The following MBD5 variants were observed in gnomAD, a reference collection of about 807,000 sequenced individuals.
MBD5 encodes methyl-CpG-binding domain protein 5.
A neutral mutation model predicts 117.3 loss-of-function variants in MBD5; 13 were observed. The ratio of observed to expected loss-of-function variants is 0.11; its 90% CI spans 0.07 to 0.18. The LOEUF (loss-of-function observed/expected upper bound fraction) is 0.18, where lower values mean the gene tolerates loss of function less well. Among genes scored for constraint, MBD5 ranks in the 10% least tolerant of loss-of-function variants. The pLI is 1.00. For missense variants in MBD5, 1,879 were observed against 2,093.8 expected (o/e 0.90, Z 2.00); for synonymous variants, 727 against 766.4 (o/e 0.95, Z 0.85).
chr2:148,415,223 C>G (rs1705381779), intron 4 of MBD5, among the ~76,000 whole-genome samples: 1 of 152,104 alleles, frequency 6.6e-6, no homozygotes. Context: ...CTGTATTTAT[C>G]AAGCTTAGTT....
chr2:148,166,669 G>T (rs553865936), intron 1 of MBD5, among the ~76,000 whole-genome samples: 1 of 152,060 alleles, frequency 6.6e-6, no homozygotes, highest in Non-Finnish European at 1.5e-5. Flanking sequence ...TCACATGAGG[G>T]TACTTCTCCA....
chr2:148,042,405 AT>A (rs1388562963), intron 1 of MBD5, among the ~76,000 whole-genome samples: 2 of 152,144 alleles, frequency 1.3e-5, no homozygotes, highest in East Asian at 1.9e-4. Context: ...ACAGAAAAAA[AT>A]TTCTCACAGC....
intron 3 of MBD5, among the ~76,000 whole-genome samples, chr2:148,272,020 G>A (rs1558999796): frequency 1.3e-5 from 2 of 152,082 alleles, no homozygotes; most frequent in South Asian, 4.1e-4. Flanking sequence ...GATTCCACAT[G>A]TAAATAAGAT....
intron 4 of MBD5, among the ~76,000 whole-genome samples, chr2:148,429,808 G>C (rs940849810): frequency 9.9e-5 from 15 of 152,094 alleles, no homozygotes; most frequent in Non-Finnish European, 1.5e-5. Flanking sequence ...AAAACACATG[G>C]TCAGAGGGAA....
intron 3 of MBD5, among the ~76,000 whole-genome samples, chr2:148,259,222 G>A (rs1700673573): frequency 6.6e-6 from 1 of 152,124 alleles, no homozygotes; most frequent in African/African-American, 2.4e-5. Flanking sequence ...TTGCCCTTGT[G>A]CCAACTGCCC....
chr2:148,462,360 T>G (rs1030392091), intron 5 of MBD5, among the ~76,000 whole-genome samples: 2 of 152,202 alleles, frequency 1.3e-5, no homozygotes, highest in African/African-American at 4.8e-5. Flanking sequence ...TTTAATTTTC[T>G]ATGAAGATCT....
At chr2:148,410,703 A>G (rs963230008) in intron 4 of MBD5, among the ~76,000 whole-genome samples, 1 of 152,138 alleles carries the variant, frequency 6.6e-6, no homozygotes, top group African/African-American at 2.4e-5. Flanking sequence ...CAGTGCTGGT[A>G]TTACAGGCAG....
intron 5 of MBD5, among the ~76,000 whole-genome samples, chr2:148,461,116 A>G (rs1707061269): frequency 1.3e-5 from 2 of 152,120 alleles, no homozygotes; most frequent in Admixed American, 6.6e-5. Context: ...TATTTTTAGT[A>G]GAGACGGGGT....
At chr2:148,179,634 G>A (rs1270122988) in intron 2 of MBD5, among the ~76,000 whole-genome samples, 1 of 151,932 alleles carries the variant, frequency 6.6e-6, no homozygotes, top group Non-Finnish European at 1.5e-5. Context: ...ATTCTTTCAC[G>A]TAGCACGTTC....
chr2:148,197,163 G>T (rs926525360), intron 2 of MBD5, among the ~76,000 whole-genome samples: 1 of 152,064 alleles, frequency 6.6e-6, no homozygotes, highest in South Asian at 2.1e-4. Context: ...AGGCAATCCC[G>T]TTCTGCTAGG....
chr2:148,483,088 G>GT lies in MBD5; in HGVS notation c.2519-9dup, dbSNP rs5835195. ...TTCATGATTAATAACTGGGTTTTGT[G>GT]TTTTTTTTTTTTTCATTTTAGGCGG... On this transcript the variant is annotated intron_variant, in intron 8 of 13. Coordinates refer to ENST00000642680, the MANE Select transcript of MBD5 (RefSeq NM_001378120.1). 5.5e-3 allele frequency: 7,301 copies of GT among 1,332,774 alleles called. 69 individuals are homozygous for GT. The African/African-American group carries it at 0.065, about 12-fold the overall frequency. 82.6% of individuals were successfully genotyped at this position (1,332,774 alleles called of 1,614,324 possible).
intron 3 of MBD5, among the ~76,000 whole-genome samples, chr2:148,278,643 G>A (rs1701169862): frequency 1.3e-5 from 2 of 151,906 alleles, no homozygotes; most frequent in East Asian, 1.9e-4. Flanking sequence ...TTTTAGTCAG[G>A]GTTCTCCGGA....
At chr2:148,068,208 A>G (rs1479040855) in intron 1 of MBD5, among the ~76,000 whole-genome samples, 4 of 150,252 alleles carry the variant, frequency 2.7e-5, no homozygotes, top group East Asian at 3.9e-4. Context: ...AGAGGCCAGG[A>G]AAAAAAAGCT....
intron 2 of MBD5, among the ~76,000 whole-genome samples, chr2:148,221,370 T>C (rs1699681995): frequency 6.6e-6 from 1 of 152,140 alleles, no homozygotes. Context: ...CTTTTAGTAA[T>C]TTACATTCCT....
intron 1 of MBD5, among the ~76,000 whole-genome samples, chr2:148,171,416 A>G (rs1698259673): frequency 6.6e-6 from 1 of 152,230 alleles, no homozygotes; most frequent in South Asian, 2.1e-4. Flanking sequence ...AATACTTGAC[A>G]AAATTCAACA....
At chr2:148,200,819 T>A (rs551421639) in intron 2 of MBD5, among the ~76,000 whole-genome samples, 5,657 of 152,236 alleles carry the variant, frequency 0.037, 282 homozygotes, top group African/African-American at 0.11. Context: ...TAAGAACTTC[T>A]AAAGAAGTTC....
intron 2 of MBD5, among the ~76,000 whole-genome samples, chr2:148,223,793 G>A (rs1476934865): frequency 1.3e-5 from 2 of 151,764 alleles, no homozygotes; most frequent in African/African-American, 4.8e-5. Context: ...TGCTTTTCTA[G>A]TTCTTTAAGA....
chr2:148,425,234 A>G (rs763642615), intron 4 of MBD5, among the ~76,000 whole-genome samples: 1 of 152,198 alleles, frequency 6.6e-6, no homozygotes, highest in Non-Finnish European at 1.5e-5. Flanking sequence ...AATACAAACT[A>G]CCATCAGAGA....
intron 1 of MBD5, among the ~76,000 whole-genome samples, chr2:148,031,358 A>C (rs1031939943): frequency 4.6e-5 from 7 of 152,096 alleles, no homozygotes; most frequent in African/African-American, 1.7e-4. Flanking sequence ...AAGCAATTAG[A>C]ATTCTGTAGA....
Sources: gnomAD v4.1 joint callset for allele counts (sites outside exome capture counted in the v4.1 genomes callset) on GRCh38, gnomAD v4.1.1 for gene constraint, MANE v1.5 for transcripts, NCBI Gene and HGNC (gene_info 2026-07-23, HGNC 2026-07-21) for gene names.